Variants in PKNOX2 observed in about 807,000 individuals in gnomAD.
PKNOX2 encodes the protein PBX/knotted 1 homeobox 2, also known as homeobox protein PKNOX2.
In PKNOX2, 14 loss-of-function variants were observed where a neutral mutation model predicts 53.1. The ratio of observed to expected loss-of-function variants is 0.26; its 90% CI spans 0.17 to 0.41. PKNOX2 has a LOEUF of 0.41. PKNOX2 is among the 10% of genes least tolerant of loss of function. The pLI, the probability that PKNOX2 is intolerant of heterozygous loss-of-function variation, is 1.00. For missense variants in PKNOX2, 496 were observed against 602.8 expected (o/e 0.82, Z 1.85); for synonymous variants, 257 against 242.8 (o/e 1.06, Z -0.54).
At position 125,370,960 on chromosome 11, in the gene PKNOX2, C is replaced by T. The variant is rs899174857; in HGVS notation, c.227+2975C>T. Among the ~76,000 whole-genome samples the T allele has an allele frequency of 6.6e-6, 1 of 152,212 alleles. No homozygotes were observed. Among genetic ancestry groups the T allele is most frequent in the African/African-American group, 2.4e-5 (1 of 41,454 alleles). On this transcript the variant is annotated intron_variant, in intron 5 of 12. Transcript: ENST00000298282. This position sits in a 1 kb window ranked among gnomAD's most constrained non-coding sequence, Gnocchi z 4.1. Reference sequence around the variant, plus strand: ...GATGAAGGAAGGGTGGGTGTGGCCCCTCCCTGCCTAGGACACTGCTCGGTG... The same window carrying T: ...GATGAAGGAAGGGTGGGTGTGGCCCTTCCCTGCCTAGGACACTGCTCGGTG...
At chr11:125,389,438 G>A (rs368272869) in intron 6 of PKNOX2, among the ~76,000 whole-genome samples, 72 of 152,180 alleles carry the variant, frequency 4.7e-4, no homozygotes, top group African/African-American at 1.6e-3. Flanking sequence ...TCCAGGGGAC[G>A]CGGGTGGCTT....
chr11:125,242,045 C>T (rs1943191590), intron 2 of PKNOX2, among the ~76,000 whole-genome samples: 1 of 135,798 alleles, frequency 7.4e-6, no homozygotes, highest in Admixed American at 6.9e-5. Context: ...TCTGCTGACA[C>T]CATGCACCAT....
intron 1 of PKNOX2, among the ~76,000 whole-genome samples, chr11:125,181,349 G>A (rs1956147845): frequency 6.6e-6 from 1 of 152,242 alleles, no homozygotes; most frequent in African/African-American, 2.4e-5. Flanking sequence ...GAGGTCAAGG[G>A]AGGAGGTTAC....
intron 2 of PKNOX2, among the ~76,000 whole-genome samples, chr11:125,248,464 C>A (rs1943728378): frequency 6.6e-6 from 1 of 151,980 alleles, no homozygotes; most frequent in African/African-American, 2.4e-5. Context: ...AATCTTGCGA[C>A]TTTACTTATT....
At chr11:125,332,475 TAGAG>T (rs1385571472) in intron 3 of PKNOX2, 2 of 152,206 alleles carry the variant, frequency 1.3e-5, no homozygotes, top group Non-Finnish European at 2.9e-5. Flanking sequence ...GCATTTTGAA[TAGAG>T]AATCTCATTT....
intron 12 of PKNOX2, 26 bp from the exon 13 acceptor site, chr11:125,431,140 G>A (rs369414048): frequency 7.4e-5 from 119 of 1,608,868 alleles, no homozygotes; most frequent in East Asian, 1.1e-4. Flanking sequence ...CCCCTGCCTC[G>A]TCCTGACCCT....
At chr11:125,305,658 G>A (rs1948393142) in intron 2 of PKNOX2, among the ~76,000 whole-genome samples, 1 of 152,202 alleles carries the variant, frequency 6.6e-6, no homozygotes, top group Non-Finnish European at 1.5e-5. Flanking sequence ...GTCTTGCATG[G>A]TCAGGAGCTA....
chr11:125,360,461 T>C (rs1017968049), intron 4 of PKNOX2, among the ~76,000 whole-genome samples: 1 of 152,192 alleles, frequency 6.6e-6, no homozygotes. Flanking sequence ...GGAAGAGATA[T>C]TAATAGCTCC....
chr11:125,189,497 G>T (rs1251622046), intron 1 of PKNOX2, among the ~76,000 whole-genome samples: 3 of 75,366 alleles, frequency 4.0e-5, no homozygotes, highest in South Asian at 5.1e-4. Flanking sequence ...ATATACAAAA[G>T]CAAGGAGAGA....
chr11:125,298,401 A>T (rs1029292292), intron 2 of PKNOX2, among the ~76,000 whole-genome samples: 4 of 152,118 alleles, frequency 2.6e-5, no homozygotes, highest in African/African-American at 9.7e-5. Context: ...CAGGAGGCTT[A>T]CCTGCTCCCT....
At chr11:125,383,594 A>C (rs1953406628) in intron 5 of PKNOX2, among the ~76,000 whole-genome samples, 1 of 152,090 alleles carries the variant, frequency 6.6e-6, no homozygotes, top group African/African-American at 2.4e-5. Context: ...TCCAGCCTGG[A>C]TGACACAGCA....
intron 2 of PKNOX2, among the ~76,000 whole-genome samples, chr11:125,269,282 G>A (rs1287932463): frequency 1.3e-5 from 2 of 151,980 alleles, no homozygotes; most frequent in Non-Finnish European, 2.9e-5. Context: ...CAGCCCCAAA[G>A]TGAGACCGCA....
intron 1 of PKNOX2, among the ~76,000 whole-genome samples, chr11:125,220,359 C>T (rs1940995702): frequency 6.6e-6 from 1 of 152,134 alleles, no homozygotes; most frequent in Admixed American, 6.5e-5. Flanking sequence ...TGCGTTCTGC[C>T]GAGAGCGGCT....
intron 1 of PKNOX2, among the ~76,000 whole-genome samples, chr11:125,180,071 G>A (rs1956066385): frequency 6.6e-6 from 1 of 152,116 alleles, no homozygotes; most frequent in Non-Finnish European, 1.5e-5. Flanking sequence ...AAACAGCCAT[G>A]CACGCTCCTG....
At chr11:125,260,954 T>A (rs975775130) in intron 2 of PKNOX2, among the ~76,000 whole-genome samples, 2 of 152,194 alleles carry the variant, frequency 1.3e-5, no homozygotes, top group African/African-American at 4.8e-5. Flanking sequence ...CTTTCTGCTG[T>A]GTGGCCTCAG....
At chr11:125,386,291 A>G (rs897683727) in intron 6 of PKNOX2, among the ~76,000 whole-genome samples, 1 of 152,192 alleles carries the variant, frequency 6.6e-6, no homozygotes, top group African/African-American at 2.4e-5. Context: ...ATAAAAATAC[A>G]TATTTCTAGG....
At chr11:125,354,770 CT>C (rs1046915454) in intron 4 of PKNOX2, among the ~76,000 whole-genome samples, 4 of 151,902 alleles carry the variant, frequency 2.6e-5, no homozygotes, top group African/African-American at 7.3e-5. Context: ...ATGAGGGAGG[CT>C]TTTTTTTCTT....
chr11:125,196,136 CATGGA>C, intron 1 of PKNOX2, among the ~76,000 whole-genome samples: 1 of 152,282 alleles, frequency 6.6e-6, no homozygotes, highest in South Asian at 2.1e-4. Context: ...GCACACAAAG[CATGGA>C]GCTGGCAACA....
intron 2 of PKNOX2, among the ~76,000 whole-genome samples, chr11:125,320,311 A>C (rs1008023635): frequency 6.6e-6 from 1 of 152,164 alleles, no homozygotes; most frequent in South Asian, 2.1e-4. Flanking sequence ...GGTTACGACC[A>C]CTTTGATCAT....
Sources: allele counts gnomAD v4.1 joint callset (sites outside exome capture counted in the v4.1 genomes callset), GRCh38; gene constraint gnomAD v4.1.1; non-coding constraint Gnocchi (gnomAD v3.1); transcripts MANE v1.5; gene names NCBI Gene and HGNC (gene_info 2026-07-23, HGNC 2026-07-21).